AGBL1: variants seen among roughly 807,000 people sequenced by gnomAD.
AGBL1 encodes the protein AGBL carboxypeptidase 1.
A neutral mutation model predicts 118.9 loss-of-function variants in AGBL1; 130 were observed. That is an observed-to-expected ratio of 1.09 (90% CI 0.95 to 1.26). The LOEUF is 1.26. Ranked by LOEUF, AGBL1 falls within the 50% of genes most tolerant of loss-of-function variation. AGBL1 has a pLI of 0.00. For missense variants in AGBL1, 1,584 were observed against 1,298.1 expected, an observed-to-expected ratio of 1.22 and a Z score of -3.38; for synonymous variants, 555 against 478.9, an observed-to-expected ratio of 1.16 and a Z score of -2.08.
At chr15:86,894,337 G>A (rs1214940943) in intron 22 of AGBL1, among the ~76,000 whole-genome samples, 1 of 152,112 alleles carries the variant, frequency 6.6e-6, no homozygotes, top group African/African-American at 2.4e-5. Context: ...AGAGAGAATA[G>A]CTAACACCCT....
chr15:86,557,200 G>T (rs560089448), intron 21 of AGBL1, among the ~76,000 whole-genome samples: 1 of 152,224 alleles, frequency 6.6e-6, no homozygotes, highest in Non-Finnish European at 1.5e-5. Flanking sequence ...TACCTATTAG[G>T]GATGGGCCCA....
chr15:86,647,453 C>T (rs2085300560), intron 21 of AGBL1, among the ~76,000 whole-genome samples: 1 of 152,192 alleles, frequency 6.6e-6, no homozygotes. Context: ...GTAATCCCAG[C>T]ACTTTGGGAG....
chr15:86,094,705 A>G (rs1241470157), intron 1 of AGBL1, among the ~76,000 whole-genome samples: 1 of 152,156 alleles, frequency 6.6e-6, no homozygotes, highest in Non-Finnish European at 1.5e-5. Context: ...CAGTCATTGG[A>G]TGAAGGCTGC....
intron 1 of AGBL1, among the ~76,000 whole-genome samples, chr15:86,135,361 T>C (rs2076875486): frequency 6.6e-6 from 1 of 152,220 alleles, no homozygotes; most frequent in Non-Finnish European, 1.5e-5. Flanking sequence ...AAACTTCTTT[T>C]CTTTATAAAT....
rs112600456 is a variant in AGBL1 at position 86,238,971 on chromosome 15, A to C, written c.527-8700A>C. 3.9e-3 allele frequency among the ~76,000 whole-genome samples: 586 copies of C among 152,120 alleles called. 4 individuals carry two copies. The highest frequency in any genetic ancestry group is 0.014 in the African/African-American group (561 of 41,450). ...CTTCATAGGTGCAGCATTGCAACCT[A>C]AGGTCCTTCATTAGACATTGTATGT... On this transcript the variant is annotated intron_variant, in intron 6 of 22. Transcript: ENST00000614907.
At chr15:86,655,559 G>A (rs1214423360) in intron 21 of AGBL1, among the ~76,000 whole-genome samples, 1 of 151,830 alleles carries the variant, frequency 6.6e-6, no homozygotes, top group East Asian at 1.9e-4. Flanking sequence ...CTTATATTAT[G>A]CGTAATTCTG....
intron 22 of AGBL1, among the ~76,000 whole-genome samples, chr15:86,824,886 G>C (rs767931726): frequency 6.6e-6 from 1 of 151,768 alleles, no homozygotes; most frequent in Non-Finnish European, 1.5e-5. Flanking sequence ...GGAAAAACAC[G>C]ATCTCTACTC....
At chr15:86,944,678 C>A (rs1363182117) in intron 23 of AGBL1, among the ~76,000 whole-genome samples, 2 of 152,240 alleles carry the variant, frequency 1.3e-5, no homozygotes, top group African/African-American at 4.8e-5. Context: ...TTTTTAATGC[C>A]TTCATTCATG....
At position 86,624,829 on chromosome 15, in the gene AGBL1, T is replaced by C. The variant is rs577462286; in HGVS notation, c.2995-49444T>C. 2.6e-5 allele frequency among the ~76,000 whole-genome samples: 4 copies of C among 152,298 alleles called. No homozygotes were observed. The South Asian group carries it at 8.3e-4, about 32-fold the overall frequency. On this transcript the variant is annotated intron_variant, in intron 21 of 22. Transcript: ENST00000614907. ...GTCTGAAAGGTCAGACACCAGCAGC[T>C]TGTCGTTCCCTCTCCTGCCCACATT...
rs545504681 is a variant in AGBL1, at chr15:86,562,637, G to T, written c.2994+8100G>T. ...GTTGTGTCTGTGCCAGGCTTTGGTA[G>T]CAGGATGATGCTGGCCTCATAAAAT... On this transcript the variant is annotated intron_variant, in intron 21 of 22. Transcript: ENST00000614907. 2.2e-4 allele frequency among the ~76,000 whole-genome samples: 33 copies of T among 152,220 alleles called. 1 individual carries two copies. Among genetic ancestry groups the T allele is most frequent in the African/African-American group, 5.8e-4 (24 of 41,536 alleles).
intron 14 of AGBL1, 57 bp from the exon 15 acceptor site, chr15:86,271,562 T>C: frequency 2.9e-5 from 39 of 1,355,670 alleles, no homozygotes; most frequent in Non-Finnish European, 4.0e-5. Flanking sequence ...GGGTCATTAT[T>C]TGGCCCAGAA....
At chr15:86,452,946 G>A (rs1011379751) in intron 18 of AGBL1, among the ~76,000 whole-genome samples, 1 of 152,100 alleles carries the variant, frequency 6.6e-6, no homozygotes, top group African/African-American at 2.4e-5. Context: ...AACCTAATTA[G>A]GTCCCTGATT....
intron 23 of AGBL1, among the ~76,000 whole-genome samples, chr15:86,987,445 A>G (rs1416045624): frequency 6.6e-6 from 1 of 152,226 alleles, no homozygotes; most frequent in Non-Finnish European, 1.5e-5. Context: ...TCAACTACAA[A>G]TAAGACAGTT....
In AGBL1 at chr15:86,828,148, G is replaced by GC. The variant is rs2079057861; in HGVS notation, c.3159-78937dup. ...GTAGAGACGGGGGTCTCACTTTGTT[G>GC]CCTAGGCTGGTCTCAAAATCCTGGG... is the stretch of plus-strand genomic sequence containing the variant. On this transcript the variant is annotated intron_variant, in intron 22 of 22. Transcript: ENST00000614907. Among the ~76,000 whole-genome samples the GC allele has an allele frequency of 2.0e-5, 3 of 151,236 alleles. No individual in the cohort carries two copies. In the South Asian group the frequency reaches 6.3e-4, roughly 32 times the overall value.
chr15:86,614,838 G>A (rs1414515729), intron 21 of AGBL1, among the ~76,000 whole-genome samples: 1 of 152,216 alleles, frequency 6.6e-6, no homozygotes, highest in Admixed American at 6.5e-5. Flanking sequence ...TAAGAAGAAA[G>A]TGTTGTGTAG....
intron 21 of AGBL1, among the ~76,000 whole-genome samples, chr15:86,640,102 G>C (rs2085166715): frequency 6.6e-6 from 1 of 151,992 alleles, no homozygotes; most frequent in African/African-American, 2.4e-5. Flanking sequence ...GTTACTATCA[G>C]CACCATCATC....
At chr15:86,259,288 T>A (rs1472019133) in intron 9 of AGBL1, among the ~76,000 whole-genome samples, 1 of 152,208 alleles carries the variant, frequency 6.6e-6, no homozygotes, top group African/African-American at 2.4e-5. Flanking sequence ...GAATAAGAAT[T>A]TGTCTGTGAA....
At chr15:86,626,652 A>G (rs920438851) in intron 21 of AGBL1, among the ~76,000 whole-genome samples, 1 of 151,938 alleles carries the variant, frequency 6.6e-6, no homozygotes, top group Non-Finnish European at 1.5e-5. Context: ...TGAACTTAAA[A>G]CTTGTTTTTT....
chr15:86,461,744 C>T (rs2082337670), intron 18 of AGBL1, among the ~76,000 whole-genome samples: 1 of 152,098 alleles, frequency 6.6e-6, no homozygotes, highest in Non-Finnish European at 1.5e-5. Context: ...ATCAACATTT[C>T]CTTTCAATTC....
Sources: allele counts gnomAD v4.1 joint callset (sites outside exome capture counted in the v4.1 genomes callset), GRCh38; gene constraint gnomAD v4.1.1; transcripts MANE v1.5; gene names NCBI Gene and HGNC (gene_info 2026-07-23, HGNC 2026-07-21).